Variants in MYO6 observed in about 807,000 individuals in gnomAD.
MYO6 encodes the protein myosin VI.
Under a neutral mutation model 178.7 loss-of-function variants are expected in MYO6, and 74 were observed. The observed-to-expected ratio is 0.41, with a 90% confidence interval of 0.34 to 0.50. The LOEUF (loss-of-function observed/expected upper bound fraction) is 0.50. Ranked by LOEUF, MYO6 falls within the 20% of genes least tolerant of loss-of-function variation. The pLI is 0.09. For missense variants in MYO6, 1,330 were observed against 1,547.4 expected, an observed-to-expected ratio of 0.86 and a Z score of 2.36; for synonymous variants, 477 against 504.6, an observed-to-expected ratio of 0.95 and a Z score of 0.73.
At chr6:75,775,695 G>A (rs1487580541) in intron 1 of MYO6, among the ~76,000 whole-genome samples, 1 of 152,076 alleles carries the variant, frequency 6.6e-6, no homozygotes, top group Non-Finnish European at 1.5e-5. Flanking sequence ...TTATTCAGTT[G>A]TTCAATTTTA....
intron 1 of MYO6, among the ~76,000 whole-genome samples, chr6:75,760,138 A>T (rs1434633452): frequency 2.0e-5 from 3 of 152,196 alleles, no homozygotes; most frequent in African/African-American, 7.2e-5. Context: ...CTATTGGGAA[A>T]TAGTTGTTCG....
At chr6:75,880,736 A>T (rs542859800) in intron 22 of MYO6, among the ~76,000 whole-genome samples, 1 of 152,260 alleles carries the variant, frequency 6.6e-6, no homozygotes, top group East Asian at 1.9e-4. Context: ...TTCTCTCGTT[A>T]TGTTACCTTT....
chr6:75,787,688 CT>C (rs1562157804), intron 1 of MYO6, among the ~76,000 whole-genome samples: 8 of 20,996 alleles, frequency 3.8e-4, no homozygotes, highest in Non-Finnish European at 6.0e-4. Flanking sequence ...CTCTCTCTCT[CT>C]CTCTCTCTCT....
intron 1 of MYO6, among the ~76,000 whole-genome samples, chr6:75,775,952 C>A (rs1316020967): frequency 2.6e-5 from 4 of 152,118 alleles, no homozygotes; most frequent in African/African-American, 9.7e-5. Flanking sequence ...TGTAGCGTAT[C>A]ATTTCTTTAA....
chr6:75,825,430 T>C (rs1420364198), intron 3 of MYO6, among the ~76,000 whole-genome samples: 1 of 152,078 alleles, frequency 6.6e-6, no homozygotes, highest in Non-Finnish European at 1.5e-5. Flanking sequence ...CTGTCTCTAC[T>C]AAAAGTACAA....
intron 30 of MYO6, among the ~76,000 whole-genome samples, chr6:75,902,084 C>G (rs1779827760): frequency 1.3e-5 from 2 of 152,172 alleles, no homozygotes; most frequent in African/African-American, 4.8e-5. Context: ...CCCACTTGAT[C>G]ATGGTGGATA....
chr6:75,883,382 C>T (rs939219877), intron 23 of MYO6, among the ~76,000 whole-genome samples: 6 of 152,100 alleles, frequency 3.9e-5, no homozygotes, highest in Admixed American at 3.3e-4. Context: ...AAGTCTTGTA[C>T]CACGAATAAT....
At chr6:75,836,444 C>T (rs535016521) in intron 7 of MYO6, among the ~76,000 whole-genome samples, 145 of 152,240 alleles carry the variant, frequency 9.5e-4, no homozygotes, top group African/African-American at 3.3e-3. Context: ...AGACTGCTGG[C>T]CTAGACTACC....
At chr6:75,789,023 A>G (rs1328017051) in intron 1 of MYO6, among the ~76,000 whole-genome samples, 1 of 152,254 alleles carries the variant, frequency 6.6e-6, no homozygotes, top group African/African-American at 2.4e-5. Flanking sequence ...ATTATTCAGT[A>G]TGCTGCAAGT....
chr6:75,877,038 G>A (rs1489778388), intron 20 of MYO6, among the ~76,000 whole-genome samples: 2 of 150,884 alleles, frequency 1.3e-5, no homozygotes, highest in East Asian at 3.9e-4. Flanking sequence ...GCAATGGTGC[G>A]CTCTTGGCTC....
intron 11 of MYO6, among the ~76,000 whole-genome samples, chr6:75,853,988 A>G (rs544666970): frequency 6.6e-6 from 1 of 152,276 alleles, no homozygotes; most frequent in Admixed American, 6.5e-5. Context: ...AGAATAAGTA[A>G]CTTATTCAAG....
chr6:75,818,360 A>G (rs1275418667), intron 2 of MYO6, among the ~76,000 whole-genome samples: 1 of 152,190 alleles, frequency 6.6e-6, no homozygotes, highest in Non-Finnish European at 1.5e-5. Flanking sequence ...ACTTCACTCC[A>G]TTCTCAGAGA....
At chr6:75,842,173 TGTG>T (rs1341688151) in intron 9 of MYO6, among the ~76,000 whole-genome samples, 3 of 151,450 alleles carry the variant, frequency 2.0e-5, no homozygotes, top group Non-Finnish European at 1.5e-5. Flanking sequence ...TCAACTTAGA[TGTG>T]GTGGGAAACG....
chr6:75,870,571 G>T, intron 18 of MYO6, 76 bp from the exon 19 acceptor site: 1 of 1,124,608 alleles, frequency 8.9e-7, no homozygotes. Context: ...TTCCAGTACT[G>T]GAGAGCTAAT....
chr6:75,787,690 CTCTCT>C (rs1562157819), intron 1 of MYO6, among the ~76,000 whole-genome samples: 3 of 27,208 alleles, frequency 1.1e-4, no homozygotes, highest in Non-Finnish European at 1.9e-4. Flanking sequence ...CTCTCTCTCT[CTCTCT>C]CTCTCTCTCT....
At chr6:75,772,343 C>G (rs1331766836) in intron 1 of MYO6, among the ~76,000 whole-genome samples, 1 of 152,100 alleles carries the variant, frequency 6.6e-6, no homozygotes, top group African/African-American at 2.4e-5. Context: ...CCACCCCCGT[C>G]GCACAGTTTA....
At chr6:75,865,069 A>G (rs926089151) in intron 16 of MYO6, among the ~76,000 whole-genome samples, 1 of 151,924 alleles carries the variant, frequency 6.6e-6, no homozygotes. Flanking sequence ...ACCTTGAGCA[A>G]GCCTCTAAGG....
intron 3 of MYO6, among the ~76,000 whole-genome samples, chr6:75,828,292 T>A (rs1772684607): frequency 6.6e-6 from 1 of 152,214 alleles, no homozygotes; most frequent in Non-Finnish European, 1.5e-5. Context: ...TAATGAGTAC[T>A]CACTAGGTTT....
chr6:75,893,240 C>T (rs951845702), intron 28 of MYO6, among the ~76,000 whole-genome samples: 1 of 152,024 alleles, frequency 6.6e-6, no homozygotes, highest in Non-Finnish European at 1.5e-5. Context: ...TCTGAATTAT[C>T]TCTAAGCACT....
Sources: gnomAD v4.1 joint callset for allele counts (sites outside exome capture counted in the v4.1 genomes callset) on GRCh38, gnomAD v4.1.1 for gene constraint, MANE v1.5 for transcripts, NCBI Gene and HGNC (gene_info 2026-07-23, HGNC 2026-07-21) for gene names.